The following TNR variants were observed in gnomAD, a reference collection of about 807,000 sequenced individuals.
TNR encodes tenascin R.
TNR carries 45 observed loss-of-function variants against 150.4 expected under a neutral mutation model. The observed-to-expected ratio is 0.30, with a 90% CI of 0.24 to 0.38. The LOEUF (loss-of-function observed/expected upper bound fraction) is 0.38. Ranked by LOEUF, TNR falls within the 10% of genes least tolerant of loss-of-function variation. The pLI is 1.00. For synonymous variants in TNR, 687 were observed against 678.4 expected, an observed-to-expected ratio of 1.01 and a Z score of -0.20; for missense variants, 1,544 against 1,759.1, an observed-to-expected ratio of 0.88 and a Z score of 2.19.
At chr1:175,683,931 C>G (rs1282463645) in intron 1 of TNR, among the ~76,000 whole-genome samples, 1 of 152,212 alleles carries the variant, frequency 6.6e-6, no homozygotes, top group African/African-American at 2.4e-5. Flanking sequence ...CATACACCAA[C>G]AGGAGAGTGA....
chr1:175,524,204 C>T (rs1659757664), intron 2 of TNR, among the ~76,000 whole-genome samples: 1 of 152,046 alleles, frequency 6.6e-6, no homozygotes, highest in Non-Finnish European at 1.5e-5. Context: ...AGTGTGTCCT[C>T]CTTGTGTTCA....
intron 2 of TNR, among the ~76,000 whole-genome samples, chr1:175,514,674 T>C (rs1413800577): frequency 1.3e-5 from 2 of 152,170 alleles, no homozygotes; most frequent in Non-Finnish European, 2.9e-5. Context: ...CTAGACTGAG[T>C]GAATAGGACC....
Position 175,379,545 on chromosome 1 carries a change from TACTC to T in TNR, c.1963+3_1963+6del. 1.2e-6 allele frequency: 2 copies of T among 1,611,734 alleles called. No individual in the cohort carries two copies. Among genetic ancestry groups the T allele is most frequent in the South Asian group, 1.1e-5 (1 of 90,884 alleles). ...CAGCATAACCCCAAGAGATAGGTCT[TACTC>T]ACCTGTCAGGGTGGCCCTGGTGGTT... On this transcript the variant is annotated splice_donor_5th_base_variant and intron_variant, in intron 9 of 22. Transcript: ENST00000367674.
chr1:175,535,587 A>G (rs1050657223), intron 1 of TNR, among the ~76,000 whole-genome samples: 2 of 150,358 alleles, frequency 1.3e-5, no homozygotes, highest in Admixed American at 6.6e-5. Context: ...CAGCCTCCCA[A>G]GTAGCTGGGA....
At chr1:175,331,074 T>C (rs10912958) in intron 20 of TNR, among the ~76,000 whole-genome samples, 1,187 of 100,660 alleles carry the variant, frequency 0.012, 29 homozygotes, top group African/African-American at 0.026. Context: ...TCTTTCTTTC[T>C]TTCCTTCTTT....
At chr1:175,576,408 G>A (rs1426860777) in intron 1 of TNR, among the ~76,000 whole-genome samples, 1 of 152,086 alleles carries the variant, frequency 6.6e-6, no homozygotes, top group African/African-American at 2.4e-5. Flanking sequence ...GCCTCACTGC[G>A]ACAGTGACTT....
chr1:175,612,299 G>A (rs1243828534), intron 1 of TNR, among the ~76,000 whole-genome samples: 1 of 152,196 alleles, frequency 6.6e-6, no homozygotes. Flanking sequence ...TCCAGCAACG[G>A]TAGCCCTCAA....
chr1:175,693,510 C>T (rs1666433723), intron 1 of TNR, among the ~76,000 whole-genome samples: 1 of 152,204 alleles, frequency 6.6e-6, no homozygotes, highest in African/African-American at 2.4e-5. Context: ...TCCAAGGAGA[C>T]TTTGATGATT....
intron 1 of TNR, among the ~76,000 whole-genome samples, chr1:175,584,740 G>T (rs1254682384): frequency 6.6e-6 from 1 of 152,068 alleles, no homozygotes; most frequent in Non-Finnish European, 1.5e-5. Context: ...ATAATAATTG[G>T]CATGTGATAA....
chr1:175,637,721 G>C (rs549042904), intron 1 of TNR, among the ~76,000 whole-genome samples: 39 of 152,220 alleles, frequency 2.6e-4, no homozygotes, highest in African/African-American at 9.4e-4. Flanking sequence ...ACTTCAGTGC[G>C]GCTCCAAGAA....
At chr1:175,403,037 A>G in intron 4 of TNR, 103 bp downstream of exon 4, 3 of 1,013,092 alleles carry the variant, frequency 3.0e-6, no homozygotes, top group Non-Finnish European at 4.5e-6. Flanking sequence ...ATTTTGCCTA[A>G]ACTTCACTTT....
At chr1:175,729,142 C>T (rs1667558533) in intron 1 of TNR, among the ~76,000 whole-genome samples, 1 of 152,042 alleles carries the variant, frequency 6.6e-6, no homozygotes, top group Non-Finnish European at 1.5e-5. Context: ...GCAGGTTGTT[C>T]CTTGACGAGT....
At position 175,725,120 on chromosome 1, in the gene TNR, G is replaced by T. The variant is rs189914970; in HGVS notation, c.-165+18106C>A. On this transcript the variant is annotated intron_variant, in intron 1 of 22. Coordinates refer to ENST00000367674, the MANE Select transcript of TNR (RefSeq NM_003285.3). ...CATGATCAGATGTACATATTGCTGA[G>T]ACCATCAATGGAAGTGTAGAGAACA... Among the ~76,000 whole-genome samples the T allele has an allele frequency of 5.3e-5, 8 of 152,266 alleles. No homozygotes were observed. The East Asian group carries it at 1.5e-3, about 29-fold the overall frequency.
At chr1:175,675,364 C>A (rs976033101) in intron 1 of TNR, among the ~76,000 whole-genome samples, 1 of 152,202 alleles carries the variant, frequency 6.6e-6, no homozygotes, top group Non-Finnish European at 1.5e-5. Context: ...GCCCCGTAAC[C>A]CTTTGTGGAA....
At chr1:175,451,212 T>A (rs1376125624) in intron 2 of TNR, among the ~76,000 whole-genome samples, 1 of 140,728 alleles carries the variant, frequency 7.1e-6, no homozygotes, top group African/African-American at 2.6e-5. Context: ...TAGTTTTTTT[T>A]TTTTAATGTT....
chr1:175,400,439 C>G (rs984375621), intron 4 of TNR, among the ~76,000 whole-genome samples: 2 of 152,104 alleles, frequency 1.3e-5, no homozygotes, highest in Non-Finnish European at 2.9e-5. Flanking sequence ...GTTTTAAGTT[C>G]TCATATTCAT....
intron 1 of TNR, among the ~76,000 whole-genome samples, chr1:175,566,027 T>C (rs1019814194): frequency 6.6e-6 from 1 of 152,314 alleles, no homozygotes; most frequent in African/African-American, 2.4e-5. Flanking sequence ...CAGATCCTGG[T>C]TGATTGTTTT....
intron 2 of TNR, among the ~76,000 whole-genome samples, chr1:175,454,340 C>T (rs191114120): frequency 9.8e-5 from 15 of 152,320 alleles, no homozygotes; most frequent in African/African-American, 3.1e-4. Flanking sequence ...CCAAACTCTA[C>T]GCTAAACATA....
intron 2 of TNR, among the ~76,000 whole-genome samples, chr1:175,515,927 AG>A (rs1659387733): frequency 1.3e-5 from 2 of 152,246 alleles, no homozygotes; most frequent in South Asian, 4.1e-4. Flanking sequence ...AGAAAATAGT[AG>A]GAAAGTGGCA....
Sources: allele counts gnomAD v4.1 joint callset (sites outside exome capture counted in the v4.1 genomes callset), GRCh38; gene constraint gnomAD v4.1.1; transcripts MANE v1.5; gene names NCBI Gene and HGNC (gene_info 2026-07-23, HGNC 2026-07-21).